FSTL5: variants seen among roughly 807,000 people sequenced by gnomAD.
FSTL5 encodes follistatin like 5.
Under a neutral mutation model 89.1 loss-of-function variants are expected in FSTL5, and 62 were observed. The observed-to-expected ratio is 0.70, with a 90% CI of 0.57 to 0.86. FSTL5 has a LOEUF of 0.86. Ranked by LOEUF, FSTL5 falls within the 40% of genes least tolerant of loss-of-function variation. FSTL5 has a pLI of 0.00. For synonymous variants in FSTL5, 383 were observed against 346.2 expected, an observed-to-expected ratio of 1.11 and a Z score of -1.18; for missense variants, 1,057 against 1,001.6, an observed-to-expected ratio of 1.06 and a Z score of -0.75.
chr4:162,066,633 T>C (rs1579000378), intron 2 of FSTL5, among the ~76,000 whole-genome samples: 1 of 142,566 alleles, frequency 7.0e-6, no homozygotes, highest in East Asian at 2.3e-4. Flanking sequence ...CCTTCCTGTG[T>C]CCATGTGTTC....
chr4:161,481,301 T>C (rs1435428052), intron 12 of FSTL5, 132 bp from the exon 13 acceptor site: 2 of 478,614 alleles, frequency 4.2e-6, no homozygotes, highest in Non-Finnish European at 7.0e-6. Flanking sequence ...ATATATAAAG[T>C]TTAATTAATA....
chr4:161,612,274 T>C (rs34587111), intron 7 of FSTL5, among the ~76,000 whole-genome samples: 26,270 of 152,248 alleles, frequency 0.17, 2,368 homozygotes, highest in Middle Eastern at 0.32. Context: ...ATTGTACTCA[T>C]GTGAATAAAT....
At position 161,987,654 on chromosome 4, in the gene FSTL5, A is replaced by AAT. The variant is rs1369880979; in HGVS notation, c.160+45969_160+45970dup. Among the ~76,000 whole-genome samples, 5 of 148,492 alleles carry AAT rather than the reference A, an allele frequency of 3.4e-5. No individual in the cohort carries two copies. The East Asian group carries it at 5.8e-4, about 17-fold the overall frequency. Reference sequence around the variant, plus strand: ...TGAAAGTATATATATATTTTATTGAAATATATATATAATGAAATCCAGTGA... The same window carrying AAT: ...TGAAAGTATATATATATTTTATTGAAATATATATATATAATGAAATCCAGTGA... On this transcript the variant is annotated intron_variant, in intron 3 of 15. Transcript: ENST00000306100.
intron 2 of FSTL5, among the ~76,000 whole-genome samples, chr4:162,051,777 C>A (rs1330685004): frequency 6.6e-6 from 1 of 150,684 alleles, no homozygotes; most frequent in South Asian, 2.1e-4. Context: ...TTAGACTGAA[C>A]CAAAGGAAAG....
chr4:162,156,089 T>G (rs1733457135), intron 1 of FSTL5, among the ~76,000 whole-genome samples: 1 of 152,152 alleles, frequency 6.6e-6, no homozygotes, highest in Non-Finnish European at 1.5e-5. Flanking sequence ...CTCAGCTCTG[T>G]GGGCAATACC....
At chr4:161,461,559 G>T (rs1283206320) in intron 13 of FSTL5, among the ~76,000 whole-genome samples, 1 of 150,092 alleles carries the variant, frequency 6.7e-6, no homozygotes, top group African/African-American at 2.4e-5. Flanking sequence ...TTATAACCTT[G>T]AGTTGCTACA....
chr4:162,036,018 G>A (rs1025180487), intron 2 of FSTL5, among the ~76,000 whole-genome samples: 1 of 152,040 alleles, frequency 6.6e-6, no homozygotes, highest in African/African-American at 2.4e-5. Context: ...TAACCCTATT[G>A]AGTCTCCTTT....
At chr4:161,668,108 T>C (rs1579007276) in intron 6 of FSTL5, among the ~76,000 whole-genome samples, 1 of 152,098 alleles carries the variant, frequency 6.6e-6, no homozygotes, top group East Asian at 1.9e-4. Flanking sequence ...ATCTGAAAGA[T>C]AAAACCAATA....
intron 10 of FSTL5, among the ~76,000 whole-genome samples, chr4:161,519,512 C>T (rs541695158): frequency 6.6e-6 from 1 of 151,592 alleles, no homozygotes; most frequent in Non-Finnish European, 1.5e-5. Context: ...GGCGACAGAG[C>T]AAGACTCTAT....
chr4:161,421,451 CA>C (rs1456762222), intron 15 of FSTL5, among the ~76,000 whole-genome samples: 1 of 151,936 alleles, frequency 6.6e-6, no homozygotes, highest in African/African-American at 2.4e-5. Flanking sequence ...CAGTTCTACA[CA>C]AGATAGTTGT....
At chr4:162,158,568 T>G (rs1274259386) in intron 1 of FSTL5, among the ~76,000 whole-genome samples, 1 of 152,076 alleles carries the variant, frequency 6.6e-6, no homozygotes, top group Non-Finnish European at 1.5e-5. Flanking sequence ...TACTGGACTT[T>G]TGACCTAAAT....
intron 15 of FSTL5, among the ~76,000 whole-genome samples, chr4:161,429,463 G>A: frequency 6.6e-6 from 1 of 152,134 alleles, no homozygotes; most frequent in East Asian, 1.9e-4. Context: ...CAGTGGTGTT[G>A]GCCACTGGGG....
At chr4:161,507,487 T>C (rs1225167445) in intron 11 of FSTL5, among the ~76,000 whole-genome samples, 1 of 151,814 alleles carries the variant, frequency 6.6e-6, no homozygotes, top group East Asian at 1.9e-4. Flanking sequence ...ACCTTCTAGA[T>C]TGAAAGTTTC....
chr4:161,855,673 A>T (rs1175470094), intron 4 of FSTL5, among the ~76,000 whole-genome samples: 1 of 152,084 alleles, frequency 6.6e-6, no homozygotes, highest in African/African-American at 2.4e-5. Context: ...TCCTCTTCAT[A>T]TGGTAACTAA....
intron 4 of FSTL5, among the ~76,000 whole-genome samples, chr4:161,832,817 C>T (rs917127439): frequency 6.7e-6 from 1 of 149,664 alleles, no homozygotes; most frequent in Non-Finnish European, 1.5e-5. Context: ...TTTGTTGATC[C>T]TTTCAAAAAA....
chr4:161,516,369 TTATA>T (rs1056078881), intron 10 of FSTL5, among the ~76,000 whole-genome samples: 2 of 147,892 alleles, frequency 1.4e-5, no homozygotes, highest in Non-Finnish European at 3.0e-5. Context: ...GCCACTACTG[TTATA>T]TATATACATG....
At chr4:161,581,657 T>A (rs564769925) in intron 8 of FSTL5, among the ~76,000 whole-genome samples, 227 of 152,372 alleles carry the variant, frequency 1.5e-3, no homozygotes, top group African/African-American at 4.1e-3. Flanking sequence ...TTCGTACAGA[T>A]GTTTCCAAAC....
intron 10 of FSTL5, among the ~76,000 whole-genome samples, chr4:161,531,792 C>T (rs1035085203): frequency 2.6e-5 from 4 of 152,112 alleles, no homozygotes; most frequent in African/African-American, 4.8e-5. Context: ...CTCATATCTG[C>T]CTATAGCTAT....
intron 3 of FSTL5, among the ~76,000 whole-genome samples, chr4:161,930,775 T>C (rs1055384167): frequency 1.3e-5 from 2 of 151,874 alleles, no homozygotes; most frequent in Admixed American, 1.3e-4. Context: ...ATAACTAATT[T>C]CTCCAAAAAC....
Sources: allele counts gnomAD v4.1 joint callset (sites outside exome capture counted in the v4.1 genomes callset), GRCh38; gene constraint gnomAD v4.1.1; transcripts MANE v1.5; gene names NCBI Gene and HGNC (gene_info 2026-07-23, HGNC 2026-07-21).